The following RPS6KC1 variants were observed in gnomAD, a reference collection of about 807,000 sequenced individuals.
The protein encoded by RPS6KC1 is inactive ribosomal protein S6 kinase delta-1.
RPS6KC1 carries 54 observed loss-of-function variants against 103.8 expected under a neutral mutation model. The observed-to-expected ratio is 0.52, with a 90% CI of 0.42 to 0.65. The LOEUF is 0.65. Ranked by LOEUF, RPS6KC1 falls within the 30% of genes least tolerant of loss-of-function variation. The pLI is 0.00. For synonymous variants in RPS6KC1, 439 were observed against 438.7 expected (o/e 1.00, Z -0.01); for missense variants, 1,151 against 1,253.8 (o/e 0.92, Z 1.24).
the RPS6KC1 span, among the ~76,000 whole-genome samples, chr1:213,476,175 G>A: frequency 6.6e-6 from 1 of 152,134 alleles, no homozygotes. Flanking sequence ...GTAAACCTCA[G>A]GCATCCTCCT....
At chr1:213,789,172 G>A in the RPS6KC1 span, among the ~76,000 whole-genome samples, 1 of 152,146 alleles carries the variant, frequency 6.6e-6, no homozygotes, top group African/African-American at 2.4e-5. Flanking sequence ...TTAGTCAGTA[G>A]AGATTGTGTA....
chr1:213,789,293 C>G, the RPS6KC1 span, among the ~76,000 whole-genome samples: 1 of 152,134 alleles, frequency 6.6e-6, no homozygotes, highest in South Asian at 2.1e-4. Context: ...CACCCTAACT[C>G]CGGCACCTTG....
chr1:213,218,011 T>C (rs1331477821), intron 8 of RPS6KC1, among the ~76,000 whole-genome samples: 2 of 152,098 alleles, frequency 1.3e-5, no homozygotes, highest in East Asian at 3.8e-4. Context: ...TATTGTTGAA[T>C]AGTTCTGGCC....
At chr1:213,796,049 C>T in the RPS6KC1 span, among the ~76,000 whole-genome samples, 422 of 152,294 alleles carry the variant, frequency 2.8e-3, 1 homozygote, top group African/African-American at 9.4e-3. Flanking sequence ...GTTCACATTA[C>T]GGCCTGTAGT....
chr1:213,769,366 G>C, the RPS6KC1 span, among the ~76,000 whole-genome samples: 6 of 152,178 alleles, frequency 3.9e-5, no homozygotes, highest in Non-Finnish European at 8.8e-5. Flanking sequence ...GGAGACCCAG[G>C]AATCTGTGCT....
the RPS6KC1 span, among the ~76,000 whole-genome samples, chr1:213,497,715 CAAAT>C: frequency 2.6e-5 from 4 of 151,844 alleles, no homozygotes; most frequent in East Asian, 3.9e-4. Flanking sequence ...TAATTTTAAA[CAAAT>C]AAAAGAAATT....
the RPS6KC1 span, among the ~76,000 whole-genome samples, chr1:213,602,931 T>C: frequency 6.6e-6 from 1 of 152,172 alleles, no homozygotes; most frequent in African/African-American, 2.4e-5. Flanking sequence ...TTCTTGCAAA[T>C]ACAGAGGCTT....
the RPS6KC1 span, among the ~76,000 whole-genome samples, chr1:213,337,804 G>A: frequency 0.35 from 53,151 of 152,058 alleles, 9,703 homozygotes; most frequent in African/African-American, 0.46. Flanking sequence ...CACAAAATGG[G>A]CCAAGTCATT....
the RPS6KC1 span, among the ~76,000 whole-genome samples, chr1:213,371,841 C>T: frequency 1.3e-3 from 196 of 152,306 alleles, 1 homozygote; most frequent in Non-Finnish European, 2.2e-3. Flanking sequence ...CCACTCCTGA[C>T]CTCACCTCTC....
chr1:213,455,722 A>G, the RPS6KC1 span, among the ~76,000 whole-genome samples: 26 of 152,352 alleles, frequency 1.7e-4, no homozygotes, highest in African/African-American at 5.8e-4. Context: ...GAAGCCATGG[A>G]ATATAAGCTA....
the RPS6KC1 span, among the ~76,000 whole-genome samples, chr1:213,550,232 G>T: frequency 6.6e-6 from 1 of 152,154 alleles, no homozygotes; most frequent in South Asian, 2.1e-4. Context: ...GTAACATTGC[G>T]GTGTCAGACC....
At chr1:213,107,498 G>A (rs2082612695) in intron 4 of RPS6KC1, among the ~76,000 whole-genome samples, 1 of 152,080 alleles carries the variant, frequency 6.6e-6, no homozygotes, top group African/African-American at 2.4e-5. Context: ...CTTTTATGTT[G>A]CTGAAATGCA....
chr1:213,435,453 T>G, the RPS6KC1 span, among the ~76,000 whole-genome samples: 1 of 152,226 alleles, frequency 6.6e-6, no homozygotes, highest in Non-Finnish European at 1.5e-5. Context: ...GTACTAGATA[T>G]TTTTATATTC....
chr1:213,110,914 A>G (rs952643753), intron 4 of RPS6KC1, among the ~76,000 whole-genome samples: 3 of 149,786 alleles, frequency 2.0e-5, no homozygotes, highest in Non-Finnish European at 3.0e-5. Flanking sequence ...TGGCCCTGAG[A>G]TTGCTACTAT....
At chr1:213,553,266 G>T in the RPS6KC1 span, among the ~76,000 whole-genome samples, 2 of 152,060 alleles carry the variant, frequency 1.3e-5, no homozygotes, top group Admixed American at 1.3e-4. Context: ...ATGGTATTTG[G>T]TTTTCTGTTC....
chr1:213,847,218 C>T, the RPS6KC1 span, among the ~76,000 whole-genome samples: 1 of 152,170 alleles, frequency 6.6e-6, no homozygotes. Context: ...ACCTCACATC[C>T]CACTTAGTAG....
chr1:213,079,903 AT>A (rs2148550793), intron 3 of RPS6KC1, among the ~76,000 whole-genome samples: 1 of 142,046 alleles, frequency 7.0e-6, no homozygotes, highest in East Asian at 2.1e-4. Flanking sequence ...AGCTTATACC[AT>A]TTTTTCTTTT....
At chr1:213,653,396 C>T in the RPS6KC1 span, among the ~76,000 whole-genome samples, 817 of 152,030 alleles carry the variant, frequency 5.4e-3, 8 homozygotes, top group African/African-American at 0.019. Context: ...GAGGTAGAGG[C>T]TGCAGTGAGC....
At chr1:213,615,586 C>T in the RPS6KC1 span, among the ~76,000 whole-genome samples, 20 of 152,328 alleles carry the variant, frequency 1.3e-4, no homozygotes, top group African/African-American at 4.8e-4. Flanking sequence ...TGCAGAAGGG[C>T]CAGGATGGAG....
Sources: gnomAD v4.1 joint callset for allele counts (sites outside exome capture counted in the v4.1 genomes callset) on GRCh38, gnomAD v4.1.1 for gene constraint, MANE v1.5 for transcripts, NCBI Gene and HGNC (gene_info 2026-07-23, HGNC 2026-07-21) for gene names.